The following LMF1 variants were observed in gnomAD, a reference collection of about 807,000 sequenced individuals.
LMF1 encodes lipase maturation factor 1.
LMF1 carries 68 observed loss-of-function variants against 60.6 expected under a neutral mutation model. That is an observed-to-expected ratio of 1.12 (90% CI 0.92 to 1.37). LMF1 has a LOEUF of 1.37. LMF1 is among the 40% of genes most tolerant of loss of function. LMF1 has a pLI of 0.00. For synonymous variants in LMF1, 418 were observed against 324.7 expected (o/e 1.29, Z -3.09); for missense variants, 948 against 767.2 (o/e 1.24, Z -2.78).
At chr16:859,866 G>C (rs374902578) in intron 10 of LMF1, among the ~76,000 whole-genome samples, 4 of 124,054 alleles carry the variant, frequency 3.2e-5, no homozygotes, top group South Asian at 2.6e-4. Context: ...GTGTGCAGTG[G>C]TGTCTCGGGA....
intron 1 of LMF1, 50 bp downstream of exon 1, chr16:970,737 TG>T: frequency 1.4e-6 from 2 of 1,456,910 alleles, no homozygotes; most frequent in Non-Finnish European, 1.9e-6. Context: ...GCGGGGGTCG[TG>T]GTGCGCGGAG....
chr16:890,862 G>A (rs1052333025), intron 5 of LMF1, among the ~76,000 whole-genome samples: 5 of 52,514 alleles, frequency 9.5e-5, no homozygotes, highest in African/African-American at 2.5e-4. Flanking sequence ...CCAACCCTCC[G>A]GTGGCAGTGA....
chr16:870,672 C>T (rs1279334598), intron 8 of LMF1, 57 bp downstream of exon 8: 90 of 1,595,126 alleles, frequency 5.6e-5, no homozygotes, highest in Non-Finnish European at 7.5e-5. Flanking sequence ...TGTGGCTGGT[C>T]AGGGCTGAGT....
intron 2 of LMF1, among the ~76,000 whole-genome samples, chr16:946,473 G>A (rs2072240891): frequency 6.6e-6 from 1 of 152,226 alleles, no homozygotes; most frequent in South Asian, 2.1e-4. Context: ...CTGTCCTGTG[G>A]CCTCCTATCC....
intron 3 of LMF1, among the ~76,000 whole-genome samples, chr16:912,058 G>C (rs1433419792): frequency 6.6e-6 from 1 of 152,168 alleles, no homozygotes; most frequent in African/African-American, 2.4e-5. Context: ...TCACATCCCA[G>C]GGCCCCAGAG....
chr16:854,704 C>T lies in LMF1; in HGVS notation c.1532G>A (p.Trp511Ter). 1.3e-6 allele frequency: 2 copies of T among 1,586,804 alleles called. No homozygotes were observed. The highest frequency in any genetic ancestry group is 1.7e-6 in the Non-Finnish European group (2 of 1,172,118). Residue 511 changes from tryptophan to a stop codon, truncating the protein, a stop_gained and splice_region_variant, in exon 11 of 11, where the codon TGG becomes TAG. Coordinates refer to ENST00000262301, the MANE Select transcript of LMF1 (RefSeq NM_022773.4). LOFTEE classifies it low-confidence loss of function (END_TRUNC). ...GTACCTGTAGTGCTCTCCTCGGACCCACCTGCAAGGGGGCACATGTCAGCC... is the reference window on the plus strand; with the variant it reads ...GTACCTGTAGTGCTCTCCTCGGACCTACCTGCAAGGGGGCACATGTCAGCC... ...NPFAGRPPPR[W>*]VRGEHYRYKF...
chr16:954,009 GTCCACACAGACACCC>G, intron 2 of LMF1, among the ~76,000 whole-genome samples: 1 of 90,812 alleles, frequency 1.1e-5, no homozygotes, highest in Non-Finnish European at 2.2e-5. Context: ...CCTCCTACAC[GTCCACACAGACACCC>G]ACCCCAAACC....
At chr16:922,587 C>T (rs7500087) in intron 3 of LMF1, among the ~76,000 whole-genome samples, 44,973 of 143,244 alleles carry the variant, frequency 0.31, 10,073 homozygotes, top group African/African-American at 0.54. Context: ...GTCTGAAAGT[C>T]GCCTCGGTTT....
intron 10 of LMF1, among the ~76,000 whole-genome samples, chr16:865,439 C>T (rs1328581923): frequency 6.6e-6 from 1 of 151,680 alleles, no homozygotes; most frequent in Non-Finnish European, 1.5e-5. Flanking sequence ...CAACCTCTGC[C>T]TCCCAGGTTC....
intron 3 of LMF1, among the ~76,000 whole-genome samples, chr16:915,038 G>A (rs933624938): frequency 3.3e-5 from 5 of 152,248 alleles, no homozygotes; most frequent in South Asian, 2.1e-4. Context: ...GGCATCCCCC[G>A]AGGCCTGAGG....
chr16:977,902 A>C (rs1479342803), intron 1 of LMF1, among the ~76,000 whole-genome samples: 2 of 135,946 alleles, frequency 1.5e-5, no homozygotes, highest in African/African-American at 5.8e-5. Flanking sequence ...CCACACACTA[A>C]ACACACACAC....
At chr16:864,187 G>A (rs540824197) in intron 10 of LMF1, among the ~76,000 whole-genome samples, 8 of 152,266 alleles carry the variant, frequency 5.3e-5, no homozygotes, top group Admixed American at 2.6e-4. Flanking sequence ...CTCATTGTCC[G>A]TCTTTGTCTC....
intron 3 of LMF1, among the ~76,000 whole-genome samples, chr16:912,252 A>G (rs1353959926): frequency 6.6e-6 from 1 of 152,086 alleles, no homozygotes; most frequent in Non-Finnish European, 1.5e-5. Context: ...TACACACCAC[A>G]GAGCAGATGG....
chr16:872,883 T>G (rs983233098), intron 6 of LMF1: 4 of 152,374 alleles, frequency 2.6e-5, no homozygotes, highest in African/African-American at 2.4e-5. Context: ...GCCAGAACCA[T>G]CAGGAGCTTT....
chr16:975,177 TC>T (rs891607148), upstream of LMF1, among the ~76,000 whole-genome samples: 10 of 152,102 alleles, frequency 6.6e-5, no homozygotes, highest in Non-Finnish European at 1.0e-4. Flanking sequence ...TCACGAGTGT[TC>T]CCACCCCTGC....
chr16:879,779 G>C (rs372806459), intron 5 of LMF1, 42 bp from the exon 6 acceptor site: 30 of 1,539,316 alleles, frequency 1.9e-5, no homozygotes, highest in Non-Finnish European at 2.1e-5. Flanking sequence ...GGCCGATCTC[G>C]GGGGGCGGGG....
intron 1 of LMF1, among the ~76,000 whole-genome samples, chr16:978,006 C>T (rs574162334): frequency 9.0e-5 from 11 of 121,824 alleles, no homozygotes; most frequent in African/African-American, 3.9e-4. Context: ...ACACACACAC[C>T]ACACACACAC....
At chr16:915,034 C>T (rs1161235731) in intron 3 of LMF1, among the ~76,000 whole-genome samples, 8 of 152,248 alleles carry the variant, frequency 5.3e-5, no homozygotes, top group Non-Finnish European at 1.0e-4. Flanking sequence ...GAGGGGCATC[C>T]CCCGAGGCCT....
At chr16:863,900 C>A (rs995263190) in intron 10 of LMF1, among the ~76,000 whole-genome samples, 1 of 152,238 alleles carries the variant, frequency 6.6e-6, no homozygotes, top group Non-Finnish European at 1.5e-5. Flanking sequence ...AGTTTAACTA[C>A]ATCCCAGAAA....
Sources: gnomAD v4.1 joint callset for allele counts (sites outside exome capture counted in the v4.1 genomes callset) on GRCh38, gnomAD v4.1.1 for gene constraint, MANE v1.5 for transcripts, NCBI Gene and HGNC (gene_info 2026-07-23, HGNC 2026-07-21) for gene names.